Variants in P3H2 observed in about 807,000 individuals in gnomAD.
P3H2 encodes prolyl 3-hydroxylase 2.
In P3H2, 80 loss-of-function variants were observed where a neutral mutation model predicts 87.0. The ratio of observed to expected loss-of-function variants is 0.92; its 90% CI spans 0.77 to 1.11. The LOEUF is 1.11. P3H2 is among the 50% of genes least tolerant of loss of function. The pLI is 0.00. For missense variants in P3H2, 1,001 were observed against 923.9 expected (o/e 1.08, Z -1.08); for synonymous variants, 367 against 359.3 (o/e 1.02, Z -0.24).
At chr3:190,100,433 G>C (rs1323541753) in intron 1 of P3H2, among the ~76,000 whole-genome samples, 1 of 152,086 alleles carries the variant, frequency 6.6e-6, no homozygotes, top group African/African-American at 2.4e-5. Flanking sequence ...CAACTGCTGA[G>C]AGTTTCATAG....
chr3:190,114,752 G>A (rs563011585), intron 1 of P3H2, among the ~76,000 whole-genome samples: 1 of 152,264 alleles, frequency 6.6e-6, no homozygotes, highest in Non-Finnish European at 1.5e-5. Context: ...AGAGAGGGGG[G>A]AAAAGCTTCA....
intron 6 of P3H2, 151 bp from the exon 7 acceptor site, chr3:189,984,741 AT>A (rs1723640305): frequency 1.8e-6 from 1 of 568,228 alleles, no homozygotes; most frequent in Non-Finnish European, 3.0e-6. Flanking sequence ...ATATATTTAT[AT>A]TTTATAGATT....
chr3:189,995,374 T>G lies in P3H2; in HGVS notation c.549A>C (p.Glu183Asp), dbSNP rs1245797085. ...TFFVANPEHMEMQQNIENYRA... is the reference protein window; with the variant it reads ...TFFVANPEHMDMQQNIENYRA... ...TGTAATTCTCAATGTTCTGCTGCATTTCCATGTGCTCAGGGTTAGCCACGA... is the reference window on the plus strand; with the variant it reads ...TGTAATTCTCAATGTTCTGCTGCATGTCCATGTGCTCAGGGTTAGCCACGA... Residue 183 changes from glutamate to aspartate, a missense_variant, in exon 2 of 15, where the codon GAA (glutamate) becomes GAC (aspartate). Coordinates refer to ENST00000319332, the MANE Select transcript of P3H2 (RefSeq NM_018192.4). 1 of 1,614,106 alleles carries G rather than the reference T, an allele frequency of 6.2e-7. No individual in the cohort carries two copies. The highest frequency in any genetic ancestry group is 1.3e-5 in the African/African-American group (1 of 75,032).
At chr3:190,002,406 CTT>C (rs567434383) in intron 1 of P3H2, among the ~76,000 whole-genome samples, 16 of 141,576 alleles carry the variant, frequency 1.1e-4, no homozygotes, top group Non-Finnish European at 1.1e-4. Flanking sequence ...TTTTTCTTTT[CTT>C]TTTTTTTTTT....
chr3:190,115,913 G>GAA (rs1008026739), intron 1 of P3H2, among the ~76,000 whole-genome samples: 2 of 152,146 alleles, frequency 1.3e-5, no homozygotes, highest in African/African-American at 4.8e-5. Context: ...CTGTAATTTT[G>GAA]AATCACATTT....
At chr3:189,962,442 A>G (rs837683) in intron 14 of P3H2, among the ~76,000 whole-genome samples, 43,475 of 151,946 alleles carry the variant, frequency 0.29, 6,360 homozygotes, top group East Asian at 0.5. Context: ...CCAAAAGTGC[A>G]GGGATTATAG....
At chr3:190,034,744 T>C (rs1482671836) in intron 1 of P3H2, among the ~76,000 whole-genome samples, 3 of 152,208 alleles carry the variant, frequency 2.0e-5, no homozygotes, top group Non-Finnish European at 2.9e-5. Flanking sequence ...TGGGAATCGA[T>C]CTATACATCA....
chr3:190,066,854 C>A (rs529096551), intron 1 of P3H2, among the ~76,000 whole-genome samples: 1 of 152,208 alleles, frequency 6.6e-6, no homozygotes, highest in African/African-American at 2.4e-5. Context: ...TGCTTTTGCT[C>A]ATGATGTTCC....
chr3:190,075,983 G>A lies in P3H2; in HGVS notation c.480+44269C>T, dbSNP rs1294374153. ...CAGAAAACTCCTCCAGGAAATTTGAGCATGGCTTTGTCTTGTACTCCTCAT... is the reference window on the plus strand; with the variant it reads ...CAGAAAACTCCTCCAGGAAATTTGAACATGGCTTTGTCTTGTACTCCTCAT... On this transcript the variant is annotated intron_variant, in intron 1 of 14. Transcript: ENST00000319332. Among the ~76,000 whole-genome samples the A allele has an allele frequency of 3.9e-5, 6 of 152,184 alleles. No homozygotes were observed. The East Asian group carries it at 1.2e-3, about 29-fold the overall frequency.
At chr3:190,065,494 G>T (rs1560385513) in intron 1 of P3H2, among the ~76,000 whole-genome samples, 1 of 152,096 alleles carries the variant, frequency 6.6e-6, no homozygotes, top group Non-Finnish European at 1.5e-5. Context: ...CTGAGATTTA[G>T]GAGTTTCTCT....
chr3:190,049,081 A>G (rs1448510532), intron 1 of P3H2, among the ~76,000 whole-genome samples: 1 of 152,228 alleles, frequency 6.6e-6, no homozygotes, highest in African/African-American at 2.4e-5. Context: ...CCAAAGTAGT[A>G]GTTTTCTAGA....
chr3:190,113,843 C>T (rs1222753942), intron 1 of P3H2, among the ~76,000 whole-genome samples: 5 of 152,102 alleles, frequency 3.3e-5, no homozygotes, highest in East Asian at 2.0e-4. Context: ...TTTGGGAGGC[C>T]GAGGCGGGCG....
At chr3:190,120,208 G>A (rs750321976) in intron 1 of P3H2, 44 bp downstream of exon 1, 2 of 1,594,388 alleles carry the variant, frequency 1.3e-6, no homozygotes, top group South Asian at 2.3e-5. Flanking sequence ...GAGAGCGTGT[G>A]AGAGCCGCAG....
chr3:190,082,735 A>G (rs904690849), intron 1 of P3H2, among the ~76,000 whole-genome samples: 12 of 152,226 alleles, frequency 7.9e-5, no homozygotes, highest in African/African-American at 2.4e-4. Flanking sequence ...TGATGAGCTT[A>G]GCAGAATGCT....
intron 1 of P3H2, among the ~76,000 whole-genome samples, chr3:190,067,411 A>G (rs1248039080): frequency 6.6e-6 from 1 of 152,162 alleles, no homozygotes; most frequent in East Asian, 1.9e-4. Flanking sequence ...CATGACCTCC[A>G]TACCCCTTTT....
intron 1 of P3H2, among the ~76,000 whole-genome samples, chr3:190,067,076 C>T (rs1487992516): frequency 6.8e-6 from 1 of 147,054 alleles, no homozygotes; most frequent in East Asian, 2.0e-4. Flanking sequence ...AACTCTTGGG[C>T]TCAAGTAATC....
chr3:189,984,168 A>T (rs1411495778), intron 7 of P3H2, among the ~76,000 whole-genome samples: 2 of 152,176 alleles, frequency 1.3e-5, no homozygotes, highest in African/African-American at 4.8e-5. Flanking sequence ...AACTTTCTGA[A>T]CTTCATTATT....
intron 1 of P3H2, among the ~76,000 whole-genome samples, chr3:190,037,016 G>T (rs1040458883): frequency 6.6e-6 from 1 of 151,852 alleles, no homozygotes; most frequent in Non-Finnish European, 1.5e-5. Context: ...TAGTATCATG[G>T]ATTGGCACAT....
intron 1 of P3H2, among the ~76,000 whole-genome samples, chr3:190,087,832 T>G (rs895987726): frequency 9.9e-5 from 15 of 152,148 alleles, no homozygotes; most frequent in Non-Finnish European, 8.8e-5. Flanking sequence ...TCTGGCTTAC[T>G]GTAAGTTAAA....
Sources: allele counts gnomAD v4.1 joint callset (sites outside exome capture counted in the v4.1 genomes callset), GRCh38; gene constraint gnomAD v4.1.1; transcripts MANE v1.5; gene names NCBI Gene and HGNC (gene_info 2026-07-23, HGNC 2026-07-21).